SPMIP7: variants seen among roughly 807,000 people sequenced by gnomAD.
SPMIP7 encodes sperm microtubule inner protein 7.
the SPMIP7 span, among the ~76,000 whole-genome samples, chr7:50,127,414 A>C: frequency 6.6e-6 from 1 of 151,746 alleles, no homozygotes. Context: ...AAATGGGACT[A>C]CATCAAGCTA....
chr7:50,122,872 A>G, the SPMIP7 span, among the ~76,000 whole-genome samples: 1 of 152,174 alleles, frequency 6.6e-6, no homozygotes, highest in Non-Finnish European at 1.5e-5. Flanking sequence ...ATGAGATACC[A>G]TTTCACACTA....
the SPMIP7 span, among the ~76,000 whole-genome samples, chr7:50,136,443 A>G: frequency 1.1e-5 from 1 of 95,096 alleles, no homozygotes; most frequent in East Asian, 3.7e-4. Context: ...AGGCAGGAGA[A>G]CCGCTTGGAT....
chr7:50,158,378 A>G, the SPMIP7 span, among the ~76,000 whole-genome samples: 1 of 137,256 alleles, frequency 7.3e-6, no homozygotes, highest in Non-Finnish European at 1.5e-5. Flanking sequence ...AGGTCCCCCA[A>G]CCCATGTCTT....
the SPMIP7 span, among the ~76,000 whole-genome samples, chr7:50,102,177 AC>A: frequency 1.3e-5 from 2 of 152,086 alleles, no homozygotes; most frequent in African/African-American, 4.8e-5. Context: ...TACAAAAATG[AC>A]CTGGTTGTGC....
the SPMIP7 span, chr7:50,096,106 C>G: frequency 6.7e-7 from 1 of 1,490,598 alleles, no homozygotes; most frequent in Non-Finnish European, 8.9e-7. Context: ...AAATTCAGGA[C>G]ACACCTGGAA....
At chr7:50,113,858 A>G in the SPMIP7 span, among the ~76,000 whole-genome samples, 4 of 152,130 alleles carry the variant, frequency 2.6e-5, no homozygotes, top group Admixed American at 2.6e-4. Context: ...TTTTAAAATT[A>G]TGCCCAAAAC....
the SPMIP7 span, among the ~76,000 whole-genome samples, chr7:50,132,827 A>G: frequency 6.6e-6 from 1 of 152,166 alleles, no homozygotes; most frequent in Non-Finnish European, 1.5e-5. Context: ...TTAAATTTTC[A>G]CAGCATTCCT....
At chr7:50,133,608 C>T in the SPMIP7 span, among the ~76,000 whole-genome samples, 1 of 152,026 alleles carries the variant, frequency 6.6e-6, no homozygotes, top group African/African-American at 2.4e-5. Flanking sequence ...TAGGTATGTC[C>T]CAACTGGGTT....
At chr7:50,143,247 C>T in the SPMIP7 span, among the ~76,000 whole-genome samples, 1 of 150,568 alleles carries the variant, frequency 6.6e-6, no homozygotes, top group African/African-American at 2.4e-5. Context: ...TCACTGCAAC[C>T]TCTGCCTCCC....
the SPMIP7 span, among the ~76,000 whole-genome samples, chr7:50,107,132 G>T: frequency 6.6e-6 from 1 of 151,904 alleles, no homozygotes; most frequent in African/African-American, 2.4e-5. Flanking sequence ...AAGGCAGGTG[G>T]ATCACCTGAG....
the SPMIP7 span, among the ~76,000 whole-genome samples, chr7:50,139,534 C>A: frequency 1.3e-5 from 2 of 151,982 alleles, no homozygotes; most frequent in African/African-American, 4.8e-5. Context: ...GGTAAAATGG[C>A]AAATAGCTCA....
the SPMIP7 span, among the ~76,000 whole-genome samples, chr7:50,151,957 C>T: frequency 2.6e-5 from 4 of 152,224 alleles, no homozygotes; most frequent in African/African-American, 9.6e-5. Flanking sequence ...ACATCAGATA[C>T]ATAGTTACTT....
the SPMIP7 span, among the ~76,000 whole-genome samples, chr7:50,132,886 T>C: frequency 3.3e-5 from 5 of 151,604 alleles, no homozygotes; most frequent in African/African-American, 1.2e-4. Context: ...TCTTGTATCG[T>C]AAACACCTAG....
chr7:50,159,144 A>G, the SPMIP7 span: 2 of 1,551,738 alleles, frequency 1.3e-6, no homozygotes, highest in African/African-American at 2.7e-5. Flanking sequence ...TTCAACAAGA[A>G]GGACAAAGAA....
At chr7:50,117,272 T>C in the SPMIP7 span, 8 of 456,136 alleles carry the variant, frequency 1.8e-5, no homozygotes, top group Middle Eastern at 3.2e-4. Context: ...TGAAGGAAAA[T>C]AGAGGCCAAT....
the SPMIP7 span, among the ~76,000 whole-genome samples, chr7:50,107,947 T>C: frequency 2.6e-5 from 4 of 152,182 alleles, no homozygotes; most frequent in African/African-American, 9.7e-5. Context: ...TTTTTCAACA[T>C]AGTTTATGGT....
chr7:50,152,721 C>CT, the SPMIP7 span, among the ~76,000 whole-genome samples: 7 of 146,638 alleles, frequency 4.8e-5, no homozygotes, highest in Non-Finnish European at 1.1e-4. Flanking sequence ...ACAGAGTACT[C>CT]TGTCACTCAG....
the SPMIP7 span, among the ~76,000 whole-genome samples, chr7:50,128,661 C>A: frequency 0.52 from 78,993 of 151,602 alleles, 21,538 homozygotes; most frequent in East Asian, 0.73. Context: ...AAGGTACATG[C>A]GGAAGTTAGA....
At chr7:50,151,473 C>A in the SPMIP7 span, 1 of 1,551,400 alleles carries the variant, frequency 6.4e-7, no homozygotes, top group Non-Finnish European at 8.7e-7. Context: ...CCAGGATATA[C>A]CGGCAAGGTT....
Sources: gnomAD v4.1 joint callset for allele counts (sites outside exome capture counted in the v4.1 genomes callset) on GRCh38, gnomAD v4.1.1 for gene constraint, MANE v1.5 for transcripts, NCBI Gene and HGNC (gene_info 2026-07-23, HGNC 2026-07-21) for gene names.